CELF4: variants seen among roughly 807,000 people sequenced by gnomAD.
CELF4 encodes CUGBP Elav-like family member 4, also known as CUG-BP- and ETR-3-like factor 4.
Under a neutral mutation model 59.9 loss-of-function variants are expected in CELF4, and 18 were observed. The ratio of observed to expected loss-of-function variants is 0.30; its 90% CI spans 0.21 to 0.45. The LOEUF is 0.45. Among genes scored for constraint, CELF4 ranks in the 20% least tolerant of loss-of-function variants. The pLI, the probability that CELF4 is intolerant of heterozygous loss-of-function variation, is 1.00. For missense variants in CELF4, 456 were observed against 689.0 expected, an observed-to-expected ratio of 0.66 and a Z score of 3.79; for synonymous variants, 261 against 267.1, an observed-to-expected ratio of 0.98 and a Z score of 0.22.
chr18:37,249,133 T>C (rs952461223), intron 12 of CELF4, among the ~76,000 whole-genome samples: 5 of 152,104 alleles, frequency 3.3e-5, no homozygotes, highest in African/African-American at 1.2e-4. Flanking sequence ...CTTCCAACAC[T>C]GGATCTCCTT....
chr18:37,259,057 G>A (rs550621117), intron 11 of CELF4, 124 bp downstream of exon 11: 17 of 1,492,212 alleles, frequency 1.1e-5, no homozygotes, highest in African/African-American at 4.1e-5. Context: ...GTCGGACACC[G>A]GTAGGTTGGT....
intron 1 of CELF4, among the ~76,000 whole-genome samples, chr18:37,556,643 G>A (rs777648541): frequency 1.4e-4 from 21 of 152,118 alleles, no homozygotes; most frequent in Non-Finnish European, 2.6e-4. Flanking sequence ...TATCAGCTTG[G>A]TCTACAGTGA....
intron 1 of CELF4, among the ~76,000 whole-genome samples, chr18:37,507,805 G>A (rs1220573085): frequency 6.6e-6 from 1 of 152,142 alleles, no homozygotes; most frequent in African/African-American, 2.4e-5. Flanking sequence ...CAATGCCTGA[G>A]GGCCCAGGGC....
At chr18:37,282,045 G>C (rs935476256) in intron 3 of CELF4, among the ~76,000 whole-genome samples, 4 of 152,186 alleles carry the variant, frequency 2.6e-5, no homozygotes, top group African/African-American at 9.7e-5. Flanking sequence ...GGCTGTGCAG[G>C]CTCAGGCAAG....
At position 37,253,624 on chromosome 18, in the gene CELF4, G is replaced by A. The variant is rs1163783344; in HGVS notation, c.*44+143C>T. 6 of 570,280 alleles carry A rather than the reference G, an allele frequency of 1.1e-5. No individual in the cohort carries two copies. The highest frequency in any genetic ancestry group is 1.7e-5 in the Non-Finnish European group (6 of 350,860). 35.3% of individuals were successfully genotyped at this position (570,280 alleles called of 1,614,324 possible). ...ACGGCAGCTCTGCGCCTGGCCCGAGGAGCAGGGCGAGGAGCAGGTTGAGCC... is the reference window on the plus strand; with the variant it reads ...ACGGCAGCTCTGCGCCTGGCCCGAGAAGCAGGGCGAGGAGCAGGTTGAGCC... On this transcript the variant is annotated intron_variant, in intron 12 of 12. Transcript: ENST00000420428. This position sits in a 1 kb window ranked among gnomAD's most constrained non-coding sequence, Gnocchi z 4.5.
At chr18:37,378,914 T>A (rs1261224598) in intron 2 of CELF4, among the ~76,000 whole-genome samples, 2 of 152,174 alleles carry the variant, frequency 1.3e-5, no homozygotes, top group Non-Finnish European at 2.9e-5. Context: ...GCATCTAATT[T>A]CATGGTATCA....
chr18:37,546,217 G>A (rs1315885560), intron 1 of CELF4, among the ~76,000 whole-genome samples: 5 of 152,018 alleles, frequency 3.3e-5, no homozygotes, highest in East Asian at 3.9e-4. Flanking sequence ...CGAGCCCGTC[G>A]CAGCCCACAC....
intron 2 of CELF4, among the ~76,000 whole-genome samples, chr18:37,451,515 A>G (rs9955303): frequency 0.49 from 74,041 of 152,000 alleles, 18,488 homozygotes; most frequent in South Asian, 0.6. Flanking sequence ...TTGTGCACGC[A>G]TGTGTGCACA....
rs185639320 is a variant in CELF4 at position 37,378,434 on chromosome 18, G to A, written c.370-56553C>T. Among the ~76,000 whole-genome samples, 24 of 152,254 alleles carry A rather than the reference G, an allele frequency of 1.6e-4. No homozygotes were observed. In the East Asian group the frequency reaches 4.5e-3, roughly 28 times the overall value. On this transcript the variant is annotated intron_variant, in intron 2 of 12. Transcript: ENST00000420428. ...CCCCGACTTTACAATTTCCCTGTGAGTCTACAATTCTATTAAATAGGATAA... is the reference window on the plus strand; with the variant it reads ...CCCCGACTTTACAATTTCCCTGTGAATCTACAATTCTATTAAATAGGATAA...
At chr18:37,426,905 C>T (rs1048106611) in intron 2 of CELF4, among the ~76,000 whole-genome samples, 2 of 149,938 alleles carry the variant, frequency 1.3e-5, no homozygotes, top group South Asian at 2.1e-4. Flanking sequence ...TCCCGAAAAG[C>T]GATACCAATG....
rs2097257499 is a variant in CELF4 at position 37,325,046 on chromosome 18, G to A, written c.370-3165C>T. On this transcript the variant is annotated intron_variant, in intron 2 of 12. Coordinates refer to ENST00000420428, the MANE Select transcript of CELF4 (RefSeq NM_020180.4). ...TGTGGGGGAAAGAGAGGAGAGCAGG[G>A]AGCCAGATGGGGAATTCAGGCTTCC... 2.6e-5 allele frequency among the ~76,000 whole-genome samples: 4 copies of A among 152,272 alleles called. No homozygotes were observed. In the South Asian group the frequency reaches 8.3e-4, roughly 32 times the overall value.
chr18:37,523,394 GGAA>G (rs912955064), intron 1 of CELF4, among the ~76,000 whole-genome samples: 1 of 152,192 alleles, frequency 6.6e-6, no homozygotes, highest in East Asian at 1.9e-4. Context: ...ACATGCCCAA[GGAA>G]GAAGTTCCAT....
intron 2 of CELF4, among the ~76,000 whole-genome samples, chr18:37,453,503 G>A (rs999145110): frequency 3.3e-5 from 5 of 152,204 alleles, no homozygotes; most frequent in African/African-American, 1.2e-4. Context: ...GGGGCTGGAG[G>A]CTGCTGTCCT....
chr18:37,511,788 G>A (rs1357859108), intron 1 of CELF4, among the ~76,000 whole-genome samples: 13 of 151,826 alleles, frequency 8.6e-5, no homozygotes, highest in Admixed American at 6.6e-4. Flanking sequence ...AAAGCTGGAG[G>A]GAATACAACT....
Position 37,243,736 on chromosome 18 carries a change from TTCTC to T in CELF4, c.*1502_*1505del. On this transcript the variant is annotated 3_prime_UTR_variant, in exon 13 of 13. Coordinates refer to ENST00000420428, the MANE Select transcript of CELF4 (RefSeq NM_020180.4). ...GAAATTCTTCAAAGATTGTTTATTT[TTCTC>T]TCTCTTTTTTAAGGTTTTGTGTGTG... 1 of 153,752 alleles carries T rather than the reference TTCTC, an allele frequency of 6.5e-6. No homozygotes were observed. The highest frequency in any genetic ancestry group is 2.4e-5 in the African/African-American group (1 of 41,618). The allele number at this position is 153,752 out of a possible 1,614,324, so 9.5% of individuals were successfully genotyped here. A position where few individuals can be genotyped will look rare whatever the true frequency, so the allele number is the denominator to read the frequency against.
At chr18:37,500,921 T>G (rs1209131920) in intron 1 of CELF4, among the ~76,000 whole-genome samples, 14 of 152,218 alleles carry the variant, frequency 9.2e-5, no homozygotes. Context: ...GTGAGGTGGA[T>G]AGAAGGTCCA....
chr18:37,404,543 C>G (rs1405223765), intron 2 of CELF4, among the ~76,000 whole-genome samples: 3 of 152,192 alleles, frequency 2.0e-5, no homozygotes, highest in African/African-American at 7.2e-5. Flanking sequence ...AGGGCCCTCC[C>G]GAAGCCATGG....
At chr18:37,282,377 C>T (rs752086582) in intron 3 of CELF4, among the ~76,000 whole-genome samples, 1 of 152,192 alleles carries the variant, frequency 6.6e-6, no homozygotes, top group Non-Finnish European at 1.5e-5. Flanking sequence ...GACATTTCCC[C>T]TAAAGGTACT....
chr18:37,381,433 T>G (rs2099039881), intron 2 of CELF4, among the ~76,000 whole-genome samples: 1 of 152,100 alleles, frequency 6.6e-6, no homozygotes, highest in Non-Finnish European at 1.5e-5. Flanking sequence ...CCCAGAATGC[T>G]GATGCTTGTA....
Sources: gnomAD v4.1 joint callset for allele counts (sites outside exome capture counted in the v4.1 genomes callset) on GRCh38, gnomAD v4.1.1 for gene constraint, Gnocchi (gnomAD v3.1) non-coding constraint, MANE v1.5 for transcripts, NCBI Gene and HGNC (gene_info 2026-07-23, HGNC 2026-07-21) for gene names.